Variants in NRXN1 observed in about 807,000 individuals in gnomAD.
NRXN1 encodes neurexin 1.
NRXN1 carries 39 observed loss-of-function variants against 150.9 expected under a neutral mutation model. The ratio of observed to expected loss-of-function variants is 0.26; its 90% CI spans 0.20 to 0.34. NRXN1 has a LOEUF of 0.34. Among genes scored for constraint, NRXN1 ranks in the 10% least tolerant of loss-of-function variants. NRXN1 has a pLI of 1.00. For missense variants in NRXN1, 1,815 were observed against 1,949.9 expected (o/e 0.93, Z 1.30); for synonymous variants, 924 against 757.0 (o/e 1.22, Z -3.62).
intron 2 of NRXN1, among the ~76,000 whole-genome samples, chr2:51,015,218 T>C (rs1216507830): frequency 6.6e-6 from 1 of 152,032 alleles, no homozygotes; most frequent in African/African-American, 2.4e-5. Context: ...AAATACTCTT[T>C]TTCTCTCCCA....
chr2:50,242,207 C>A (rs141509016), intron 17 of NRXN1, among the ~76,000 whole-genome samples: 2 of 151,652 alleles, frequency 1.3e-5, no homozygotes, highest in Non-Finnish European at 3.0e-5. Flanking sequence ...TAAGGGGAAC[C>A]TTTATTCTTT....
At chr2:50,307,644 G>A (rs2074754006) in intron 17 of NRXN1, among the ~76,000 whole-genome samples, 1 of 152,070 alleles carries the variant, frequency 6.6e-6, no homozygotes, top group Non-Finnish European at 1.5e-5. Flanking sequence ...TGATCAGGTC[G>A]AATACACTGA....
chr2:50,128,124 C>T (rs1704881891), intron 18 of NRXN1, among the ~76,000 whole-genome samples: 1 of 152,162 alleles, frequency 6.6e-6, no homozygotes, highest in African/African-American at 2.4e-5. Flanking sequence ...GCAGAGATAT[C>T]TTTGAGCTCT....
intron 2 of NRXN1, among the ~76,000 whole-genome samples, chr2:50,948,279 T>A (rs892768441): frequency 4.6e-5 from 7 of 151,590 alleles, no homozygotes; most frequent in African/African-American, 1.7e-4. Context: ...ATGGCAAAAT[T>A]AATAAACTGT....
intron 21 of NRXN1, among the ~76,000 whole-genome samples, chr2:50,042,330 C>T (rs1271254320): frequency 6.6e-6 from 1 of 152,108 alleles, no homozygotes; most frequent in Non-Finnish European, 1.5e-5. Flanking sequence ...TGGTTTCCCC[C>T]ATGCTATTCT....
intron 18 of NRXN1, among the ~76,000 whole-genome samples, chr2:50,205,412 G>A (rs920105523): frequency 6.6e-6 from 1 of 151,978 alleles, no homozygotes; most frequent in Admixed American, 6.6e-5. Context: ...AAATACTAAT[G>A]ATCAACAGAA....
chr2:50,078,462 A>T (rs1022204985), intron 19 of NRXN1, among the ~76,000 whole-genome samples: 1 of 152,066 alleles, frequency 6.6e-6, no homozygotes, highest in Admixed American at 6.6e-5. Flanking sequence ...TTAGGCAGTT[A>T]TCAAAACCAA....
chr2:50,775,405 A>C (rs1211082386), intron 5 of NRXN1, among the ~76,000 whole-genome samples: 1 of 152,114 alleles, frequency 6.6e-6, no homozygotes, highest in Non-Finnish European at 1.5e-5. Context: ...TTCTGGACTC[A>C]CTGATGAATT....
intron 18 of NRXN1, among the ~76,000 whole-genome samples, chr2:50,153,788 T>C (rs1390103681): frequency 6.6e-6 from 1 of 151,488 alleles, no homozygotes; most frequent in East Asian, 1.9e-4. Flanking sequence ...GGAAGAAGGG[T>C]TTGCAACAAT....
chr2:50,938,850 T>C (rs911226286), intron 2 of NRXN1, among the ~76,000 whole-genome samples: 1 of 152,138 alleles, frequency 6.6e-6, no homozygotes, highest in Admixed American at 6.6e-5. Flanking sequence ...AACTTTTAAT[T>C]AGTCACAGGT....
chr2:49,930,219 A>C (rs530293458), intron 22 of NRXN1, among the ~76,000 whole-genome samples: 126 of 152,352 alleles, frequency 8.3e-4, no homozygotes, highest in African/African-American at 2.9e-3. Context: ...GAGACTGTAG[A>C]CTATGGAATA....
At chr2:50,468,782 T>TA (rs2089178014) in intron 16 of NRXN1, among the ~76,000 whole-genome samples, 2 of 151,468 alleles carry the variant, frequency 1.3e-5, no homozygotes, top group African/African-American at 2.4e-5. Context: ...ATTTACTCAT[T>TA]AAAAAAAGGC....
At chr2:50,391,384 A>G (rs2081682615) in intron 17 of NRXN1, among the ~76,000 whole-genome samples, 1 of 152,174 alleles carries the variant, frequency 6.6e-6, no homozygotes, top group Admixed American at 6.6e-5. Flanking sequence ...TAGCAATATC[A>G]TAAGTTAATG....
intron 6 of NRXN1, among the ~76,000 whole-genome samples, chr2:50,622,082 C>T (rs1680126730): frequency 6.6e-6 from 1 of 152,072 alleles, no homozygotes; most frequent in Non-Finnish European, 1.5e-5. Context: ...AAGAGACAGA[C>T]TTATAGGAAA....
chr2:50,519,463 T>C (rs377190709), intron 12 of NRXN1, among the ~76,000 whole-genome samples: 39 of 152,104 alleles, frequency 2.6e-4, no homozygotes, highest in African/African-American at 8.9e-4. Flanking sequence ...CTCCAGGAAA[T>C]GTTCTAAAAT....
chr2:50,329,370 T>C (rs2076593272), intron 17 of NRXN1, among the ~76,000 whole-genome samples: 1 of 151,096 alleles, frequency 6.6e-6, no homozygotes, highest in African/African-American at 2.4e-5. Flanking sequence ...TTTTTTCTTA[T>C]AAAATGATAA....
In NRXN1 at chr2:50,036,377, T is replaced by A. The variant is rs115741243; in HGVS notation, c.4128+16894A>T. 4.8e-3 allele frequency among the ~76,000 whole-genome samples: 732 copies of A among 152,244 alleles called. 7 individuals carry two copies. Among genetic ancestry groups the A allele is most frequent in the African/African-American group, 0.017 (711 of 41,532 alleles). On this transcript the variant is annotated intron_variant, in intron 21 of 22. Transcript: ENST00000401669. ...AGGCCTCTCCAGCTATGTTGAGTTG[T>A]GGGTCAATTAAACCTATTTCCTTTA...
At chr2:50,351,719 A>G (rs2078425698) in intron 17 of NRXN1, among the ~76,000 whole-genome samples, 1 of 152,194 alleles carries the variant, frequency 6.6e-6, no homozygotes, top group African/African-American at 2.4e-5. Context: ...TCATATAATC[A>G]TTACAAAATG....
intron 17 of NRXN1, among the ~76,000 whole-genome samples, chr2:50,458,100 C>T (rs944179159): frequency 2.0e-5 from 3 of 151,852 alleles, no homozygotes; most frequent in South Asian, 2.1e-4. Context: ...TGTGGATAAA[C>T]GGATAAAGAA....
Sources: allele counts gnomAD v4.1 joint callset (sites outside exome capture counted in the v4.1 genomes callset), GRCh38; gene constraint gnomAD v4.1.1; transcripts MANE v1.5; gene names NCBI Gene and HGNC (gene_info 2026-07-23, HGNC 2026-07-21).